Variants in PDSS2 observed in about 807,000 individuals in gnomAD.
PDSS2 encodes the protein decaprenyl diphosphate synthase subunit 2.
PDSS2 carries 31 observed loss-of-function variants against 44.5 expected under a neutral mutation model. That is an observed-to-expected ratio of 0.70 (90% confidence interval 0.52 to 0.94). PDSS2 has a LOEUF of 0.94. PDSS2 is among the 40% of genes least tolerant of loss of function. The pLI, the probability that PDSS2 is intolerant of heterozygous loss-of-function variation, is 0.00. For missense variants in PDSS2, 452 were observed against 482.2 expected, an observed-to-expected ratio of 0.94 and a Z score of 0.59; for synonymous variants, 157 against 180.3, an observed-to-expected ratio of 0.87 and a Z score of 1.03.
At chr6:107,371,371 A>T (rs915905382) in intron 1 of PDSS2, among the ~76,000 whole-genome samples, 1 of 152,174 alleles carries the variant, frequency 6.6e-6, no homozygotes, top group African/African-American at 2.4e-5. Context: ...AGGAAATTGA[A>T]TATTTTAGAT....
intron 4 of PDSS2, among the ~76,000 whole-genome samples, chr6:107,240,677 C>A (rs970808968): frequency 1.3e-5 from 2 of 151,184 alleles, no homozygotes; most frequent in Admixed American, 1.3e-4. Flanking sequence ...GGATTACAGG[C>A]GTGAGCCACC....
intron 1 of PDSS2, among the ~76,000 whole-genome samples, chr6:107,445,187 T>G (rs1251632297): frequency 6.6e-6 from 1 of 151,110 alleles, no homozygotes; most frequent in Non-Finnish European, 1.5e-5. Context: ...AATTACATAT[T>G]TTATATATAT....
At chr6:107,392,912 C>T (rs1779827122) in intron 1 of PDSS2, among the ~76,000 whole-genome samples, 1 of 152,088 alleles carries the variant, frequency 6.6e-6, no homozygotes, top group Non-Finnish European at 1.5e-5. Flanking sequence ...AATACAGTGT[C>T]CTTTATACCA....
chr6:107,272,767 G>A (rs975060074), intron 3 of PDSS2, among the ~76,000 whole-genome samples: 2 of 152,024 alleles, frequency 1.3e-5, no homozygotes, highest in African/African-American at 2.4e-5. Flanking sequence ...AGGATCGTTT[G>A]AGGCCAGGAG....
At chr6:107,410,397 C>T (rs187008039) in intron 1 of PDSS2, among the ~76,000 whole-genome samples, 1 of 152,270 alleles carries the variant, frequency 6.6e-6, no homozygotes, top group Non-Finnish European at 1.5e-5. Context: ...TGCGCGCAGA[C>T]ACACACACAC....
At chr6:107,168,568 G>C (rs1554247962) in intron 7 of PDSS2, among the ~76,000 whole-genome samples, 1 of 151,690 alleles carries the variant, frequency 6.6e-6, no homozygotes, top group Middle Eastern at 3.4e-3. Context: ...TTTCTTCCTA[G>C]CCTCGATGGT....
chr6:107,233,984 T>C (rs1306265804), intron 4 of PDSS2, among the ~76,000 whole-genome samples: 4 of 152,010 alleles, frequency 2.6e-5, no homozygotes, highest in Admixed American at 2.0e-4. Flanking sequence ...CTGGGCAACA[T>C]AGGGAGATTC....
At chr6:107,273,058 C>T (rs1775657202) in intron 3 of PDSS2, among the ~76,000 whole-genome samples, 1 of 152,042 alleles carries the variant, frequency 6.6e-6, no homozygotes, top group Non-Finnish European at 1.5e-5. Flanking sequence ...GATCTTGGCT[C>T]ACTGCAACCT....
intron 1 of PDSS2, among the ~76,000 whole-genome samples, chr6:107,427,797 T>C (rs946519553): frequency 3.9e-5 from 6 of 152,224 alleles, no homozygotes; most frequent in African/African-American, 1.4e-4. Flanking sequence ...GTATTTAGAT[T>C]GGATTGTTAC....
chr6:107,370,421 A>G (rs1216418692), intron 1 of PDSS2, among the ~76,000 whole-genome samples: 2 of 152,238 alleles, frequency 1.3e-5, no homozygotes, highest in East Asian at 1.9e-4. Context: ...TAAATACACT[A>G]CCAGATTGTG....
intron 1 of PDSS2, among the ~76,000 whole-genome samples, chr6:107,345,174 G>A (rs910624545): frequency 2.0e-5 from 3 of 151,750 alleles, no homozygotes; most frequent in African/African-American, 4.8e-5. Flanking sequence ...ACCACAGCCC[G>A]TCTGTGCAGA....
At chr6:107,372,082 T>C (rs1779142585) in intron 1 of PDSS2, among the ~76,000 whole-genome samples, 1 of 152,192 alleles carries the variant, frequency 6.6e-6, no homozygotes, top group Non-Finnish European at 1.5e-5. Context: ...TTTTAAAAGA[T>C]TCAATTAAGG....
At chr6:107,378,384 A>C (rs767297668) in intron 1 of PDSS2, among the ~76,000 whole-genome samples, 1 of 152,162 alleles carries the variant, frequency 6.6e-6, no homozygotes, top group Non-Finnish European at 1.5e-5. Flanking sequence ...AAAACCTGTT[A>C]AAACCAATAA....
At chr6:107,202,093 C>T (rs1265414035) in intron 6 of PDSS2, among the ~76,000 whole-genome samples, 2 of 152,188 alleles carry the variant, frequency 1.3e-5, no homozygotes, top group Non-Finnish European at 2.9e-5. Flanking sequence ...GGCTAGAGTG[C>T]AGTGGCACAA....
chr6:107,363,408 G>T (rs1334848900), intron 1 of PDSS2, among the ~76,000 whole-genome samples: 1 of 152,104 alleles, frequency 6.6e-6, no homozygotes, highest in Non-Finnish European at 1.5e-5. Context: ...CTTCTGGTGG[G>T]TTCGTGGTCT....
At chr6:107,190,900 G>GT (rs142935402) in intron 7 of PDSS2, among the ~76,000 whole-genome samples, 7,685 of 151,152 alleles carry the variant, frequency 0.051, 586 homozygotes, top group African/African-American at 0.17. Flanking sequence ...CAATGAAGGG[G>GT]TTTTTTTTTG....
At chr6:107,221,706 C>T (rs1469528703) in intron 4 of PDSS2, among the ~76,000 whole-genome samples, 5 of 152,088 alleles carry the variant, frequency 3.3e-5, no homozygotes, top group African/African-American at 7.2e-5. Context: ...TTTACTGCTC[C>T]GAGAGATACT....
At chr6:107,263,286 C>T (rs965281690) in intron 3 of PDSS2, among the ~76,000 whole-genome samples, 1 of 152,114 alleles carries the variant, frequency 6.6e-6, no homozygotes, top group Non-Finnish European at 1.5e-5. Context: ...AAACCCATCT[C>T]TATTAAAAAT....
intron 7 of PDSS2, among the ~76,000 whole-genome samples, chr6:107,164,160 TA>T (rs200996183): frequency 7.6e-6 from 1 of 131,012 alleles, no homozygotes; most frequent in Non-Finnish European, 1.7e-5. Flanking sequence ...GGTTTATACT[TA>T]AAAAAAATTT....
Sources: gnomAD v4.1 joint callset for allele counts (sites outside exome capture counted in the v4.1 genomes callset) on GRCh38, gnomAD v4.1.1 for gene constraint, MANE v1.5 for transcripts, NCBI Gene and HGNC (gene_info 2026-07-23, HGNC 2026-07-21) for gene names.